Variants in MAST1 observed in about 807,000 individuals in gnomAD.
The protein encoded by MAST1 is microtubule associated serine/threonine kinase 1, also known as microtubule-associated serine/threonine-protein kinase 1.
Under a neutral mutation model 124.6 loss-of-function variants are expected in MAST1, and 40 were observed. The ratio of observed to expected loss-of-function variants is 0.32; its 90% CI spans 0.25 to 0.42. MAST1 has a LOEUF of 0.42. Among genes scored for constraint, MAST1 ranks in the 10% least tolerant of loss-of-function variants. The pLI is 1.00. For missense variants in MAST1, 1,558 were observed against 2,181.9 expected (o/e 0.71, Z 5.70); for synonymous variants, 938 against 939.4 (o/e 1.00, Z 0.03).
intron 10 of MAST1, 53 bp from the exon 11 acceptor site, chr19:12,858,309 C>A: frequency 6.8e-7 from 1 of 1,462,550 alleles, no homozygotes; most frequent in South Asian, 1.2e-5. Context: ...AAATTAAAAG[C>A]ATCCTGCTCT....
At chr19:12,856,859 G>A (rs753319212) in intron 10 of MAST1, among the ~76,000 whole-genome samples, 5 of 152,110 alleles carry the variant, frequency 3.3e-5, no homozygotes, top group Non-Finnish European at 5.9e-5. Context: ...TATATCTGTA[G>A]CATAAATTCA....
chr19:12,868,899 C>A, intron 21 of MAST1, 50 bp downstream of exon 21: 1 of 1,554,532 alleles, frequency 6.4e-7, no homozygotes, highest in South Asian at 1.2e-5. Context: ...CCATTTGAGG[C>A]AGGACAGACC....
At chr19:12,848,138 A>C in intron 7 of MAST1, 81 bp downstream of exon 7, 4 of 1,282,530 alleles carry the variant, frequency 3.1e-6, no homozygotes, top group Non-Finnish European at 3.3e-6. Flanking sequence ...TTCACCCCAC[A>C]TACATTCAGG....
At position 12,838,713 on chromosome 19, in the gene MAST1, G is replaced by C. The variant is rs567669033; in HGVS notation, c.83+58G>C. The C allele has an allele frequency of 7.2e-6, 11 of 1,525,096 alleles. No individual in the cohort carries two copies. The highest frequency in any genetic ancestry group is 9.9e-6 in the Non-Finnish European group (11 of 1,110,216). 94.5% of individuals were successfully genotyped at this position (1,525,096 alleles called of 1,614,324 possible). A position where few individuals can be genotyped will look rare whatever the true frequency, so the allele number is the denominator to read the frequency against. On this transcript the variant is annotated intron_variant, in intron 1 of 25. Coordinates refer to ENST00000251472, the MANE Select transcript of MAST1 (RefSeq NM_014975.3). This position sits in a 1 kb window ranked among gnomAD's most constrained non-coding sequence, Gnocchi z 4.3. ...CCCTCCCCGCAAAAGCCGCCGCTCC[G>C]GGTACTGCTGCAGGGCGGGGCCCGG... is the stretch of plus-strand genomic sequence containing the variant.
chr19:12,840,651 T>C, intron 2 of MAST1, 117 bp downstream of exon 2: 1 of 760,388 alleles, frequency 1.3e-6, no homozygotes, highest in Non-Finnish European at 2.3e-6. Flanking sequence ...GGCGAACCAG[T>C]TTGGATAAGG....
chr19:12,869,343 G>C (rs758489776), intron 22 of MAST1, 48 bp downstream of exon 22: 1 of 1,511,402 alleles, frequency 6.6e-7, no homozygotes, highest in Non-Finnish European at 9.1e-7. Context: ...AGGGTGGTGG[G>C]GAAAAGGCCC....
intron 4 of MAST1, among the ~76,000 whole-genome samples, chr19:12,846,248 T>C (rs1969893397): frequency 1.3e-5 from 2 of 151,846 alleles, no homozygotes; most frequent in African/African-American, 4.8e-5. Flanking sequence ...AGACACAGTT[T>C]CACTATGTTG....
chr19:12,873,458 C>G lies in MAST1; in HGVS notation c.3398C>G (p.Pro1133Arg), dbSNP rs770624033. Residue 1133 changes from proline to arginine, a missense_variant, in exon 25 of 26, where the codon CCG becomes CGG. Around this residue, in one of 10 missense-constraint regions of MAST1, gnomAD observed 291 missense variants for 475.8 expected, o/e 0.61. Coordinates refer to ENST00000251472, the MANE Select transcript of MAST1 (RefSeq NM_014975.3). Reference sequence around the variant, plus strand: ...CCGGGCTCGCCTACGCACGGGCTGCCGGCGCGCTCGCCCACGCACAGCTAC... The same window carrying G: ...CCGGGCTCGCCTACGCACGGGCTGCGGGCGCGCTCGCCCACGCACAGCTAC... ...SLPGSPTHGL[P>R]ARSPTHSYRS... is the part of the protein sequence containing the mutation. 1.2e-6 allele frequency: 2 copies of G among 1,610,760 alleles called. No individual in the cohort carries two copies. Among genetic ancestry groups the G allele is most frequent in the South Asian group, 1.1e-5 (1 of 91,032 alleles).
chr19:12,859,044 A>C, intron 12 of MAST1: 2 of 463,098 alleles, frequency 4.3e-6, no homozygotes, highest in Non-Finnish European at 7.6e-6. Context: ...TACATCCATG[A>C]ACCTGTTTTT....
At position 12,853,939 on chromosome 19, in the gene MAST1, C is replaced by T. The variant is rs1456967153; in HGVS notation, c.1077+1544C>T. On this transcript the variant is annotated intron_variant, in intron 10 of 25. Coordinates refer to ENST00000251472, the MANE Select transcript of MAST1 (RefSeq NM_014975.3). ...TAATAGTAATAAATAAACAATTCTG[C>T]AGCATTTAGTAATTCACCATGCTGT... Among the ~76,000 whole-genome samples the T allele has an allele frequency of 2.0e-5, 3 of 150,316 alleles. No individual in the cohort carries two copies. In the East Asian group the frequency reaches 5.8e-4, roughly 29 times the overall value.
intron 7 of MAST1, among the ~76,000 whole-genome samples, chr19:12,850,584 C>T (rs1432379301): frequency 6.6e-6 from 1 of 152,146 alleles, no homozygotes; most frequent in African/African-American, 2.4e-5. Flanking sequence ...GCAAACTCAT[C>T]AATAATACTA....
chr19:12,871,683 G>A (rs190427556), intron 24 of MAST1, among the ~76,000 whole-genome samples: 2 of 151,932 alleles, frequency 1.3e-5, no homozygotes, highest in East Asian at 3.9e-4. Flanking sequence ...ACTTTGGGAG[G>A]CTGAGGCAGA....
Position 12,873,384 on chromosome 19 carries a change from C to T in MAST1, c.3324C>T (p.Ser1108=), listed in dbSNP as rs1970263329. 6.2e-7 allele frequency: 1 copy of T among 1,614,094 alleles called. No homozygotes were observed. Among genetic ancestry groups the T allele is most frequent in the Non-Finnish European group, 8.5e-7 (1 of 1,180,008 alleles). ...ITKQSNLLHT[S]RSLSSLNRSL... ...AGCAGTCGAACCTGCTGCATACTAG[C>T]CGCTCGCTGTCGTCGCTGAACCGCT... Residue 1108 remains serine, a synonymous_variant, in exon 25 of 26, where the codon AGC becomes AGT. Transcript: ENST00000251472.
chr19:12,854,366 G>A (rs1049704231), intron 10 of MAST1, among the ~76,000 whole-genome samples: 3 of 152,080 alleles, frequency 2.0e-5, no homozygotes, highest in Admixed American at 2.0e-4. Flanking sequence ...CAGGTGATCT[G>A]CCTGCCTTGG....
At chr19:12,853,383 G>A (rs1214461280) in intron 10 of MAST1, among the ~76,000 whole-genome samples, 2 of 151,882 alleles carry the variant, frequency 1.3e-5, no homozygotes, top group Non-Finnish European at 1.5e-5. Flanking sequence ...AGGCATTTGA[G>A]ACCAGCCTGG....
In MAST1 at chr19:12,852,339, C is replaced by T. The variant is rs1599581290; in HGVS notation, c.1021C>T (p.Leu341=). Residue 341 remains leucine (L), a synonymous_variant, in exon 10 of 26, where the codon CTG becomes TTG. Coordinates refer to ENST00000251472, the MANE Select transcript of MAST1 (RefSeq NM_014975.3). ...TRDPFPDVVH[L]EEQDSGGSNT... is the part of the protein sequence containing the mutation. ...CAGTCCCTCCCTAGATGTGGTGCAT[C>T]TGGAGGAACAGGACAGTGGTGGTTC... 2 of 1,614,082 alleles carry T rather than the reference C, an allele frequency of 1.2e-6. No individual in the cohort carries two copies. Among genetic ancestry groups the T allele is most frequent in the Middle Eastern group, 1.7e-4 (1 of 6,060 alleles).
Position 12,841,726 on chromosome 19 carries a change from C to T in MAST1, c.248+660C>T, listed in dbSNP as rs1969832227. On this transcript the variant is annotated intron_variant, in intron 3 of 25. Transcript: ENST00000251472. The surrounding 1 kb of genome is among the most constrained non-coding windows in gnomAD (Gnocchi z 4.3). ...GCTGGGCGTATGGGGTCAATGACGT[C>T]CTGTCTCTACCCTCTGAGTCGAATA... Among the ~76,000 whole-genome samples the T allele has an allele frequency of 6.6e-6, 1 of 152,196 alleles. No individual in the cohort carries two copies. The highest frequency in any genetic ancestry group is 1.5e-5 in the Non-Finnish European group (1 of 68,042).
chr19:12,874,260 C>T lies in MAST1; in HGVS notation c.4103C>T (p.Ala1368Val), dbSNP rs763772936. 5 of 1,578,662 alleles carry T rather than the reference C, an allele frequency of 3.2e-6. No individual in the cohort carries two copies. In the Admixed American group the frequency reaches 7.0e-5, roughly 22 times the overall value. The change falls in exon 26 of 26, where the codon GCG (alanine) becomes GTG (valine). Residue 1368 changes from alanine (A) to valine (V), a missense_variant. Ala to Val is a moderately conservative substitution (Grantham distance 64, BLOSUM62 0). This residue lies in a region of MAST1 where 263 missense variants were observed against 310.9 expected (regional missense o/e 0.85). Coordinates refer to ENST00000251472, the MANE Select transcript of MAST1 (RefSeq NM_014975.3). The surrounding 1 kb of genome is among the most constrained non-coding windows in gnomAD (Gnocchi z 6.6). ...KEKESPGGAE[A>V]CTPPRATTPG... is the part of the protein sequence containing the mutation. ...AAGGAATCCCCGGGGGGCGCCGAGG[C>T]GTGCACCCCACCCCGCGCGACGACC...
chr19:12,866,217 G>C lies in MAST1; in HGVS notation c.2029+115G>C, dbSNP rs1970151303. Reference sequence around the variant, plus strand: ...GCTAAGTACCAAGATGTGATGCCTAGGTGCGAAGGTGGTATTTTGGTGGGG... The same window carrying C: ...GCTAAGTACCAAGATGTGATGCCTACGTGCGAAGGTGGTATTTTGGTGGGG... On this transcript the variant is annotated intron_variant, in intron 17 of 25. Transcript: ENST00000251472. The surrounding 1 kb of genome is among the most constrained non-coding windows in gnomAD (Gnocchi z 5.2). 1.4e-6 allele frequency: 2 copies of C among 1,423,000 alleles called. No individual in the cohort carries two copies. Among genetic ancestry groups the C allele is most frequent in the Non-Finnish European group, 1.9e-6 (2 of 1,070,328 alleles). The allele number at this position is 1,423,000 out of a possible 1,614,324, so 88.1% of individuals were successfully genotyped here. A position where few individuals can be genotyped will look rare whatever the true frequency, so the allele number is the denominator to read the frequency against.
Sources: gnomAD v4.1 joint callset for allele counts (sites outside exome capture counted in the v4.1 genomes callset) on GRCh38, gnomAD v4.1.1 for gene constraint, gnomAD v4.1.1 regional missense constraint, Gnocchi (gnomAD v3.1) non-coding constraint, MANE v1.5 for transcripts, NCBI Gene and HGNC (gene_info 2026-07-23, HGNC 2026-07-21) for gene names.